Variants in PDE1A observed in about 807,000 individuals in gnomAD.
PDE1A encodes the protein dual specificity calcium/calmodulin-dependent 3',5'-cyclic nucleotide phosphodiesterase 1A.
In PDE1A, 35 loss-of-function variants were observed where a neutral mutation model predicts 61.7. The observed-to-expected ratio is 0.57, with a 90% CI of 0.43 to 0.75. PDE1A has a LOEUF of 0.75. Ranked by LOEUF, PDE1A falls within the 30% of genes least tolerant of loss-of-function variation. The pLI, the probability that PDE1A is intolerant of heterozygous loss-of-function variation, is 0.00. For missense variants in PDE1A, 597 were observed against 630.6 expected (o/e 0.95, Z 0.57); for synonymous variants, 232 against 213.2 (o/e 1.09, Z -0.77).
At chr2:182,422,958 A>C (rs1375595283) in intron 1 of PDE1A, among the ~76,000 whole-genome samples, 1 of 152,198 alleles carries the variant, frequency 6.6e-6, no homozygotes, top group African/African-American at 2.4e-5. Flanking sequence ...ATAAAACTCA[A>C]AGTATTTCTC....
At chr2:182,649,899 T>C in the PDE1A span, among the ~76,000 whole-genome samples, 1 of 152,082 alleles carries the variant, frequency 6.6e-6, no homozygotes, top group Non-Finnish European at 1.5e-5. Flanking sequence ...TGAGCCACTG[T>C]GCCCGGCCTA....
chr2:182,653,152 T>C, the PDE1A span, among the ~76,000 whole-genome samples: 2 of 152,184 alleles, frequency 1.3e-5, no homozygotes, highest in African/African-American at 4.8e-5. Flanking sequence ...GCAGGTTTAG[T>C]GGGCACTTAC....
chr2:182,284,739 C>T (rs1347503830), intron 1 of PDE1A, among the ~76,000 whole-genome samples: 2 of 152,036 alleles, frequency 1.3e-5, no homozygotes, highest in African/African-American at 2.4e-5. Context: ...TTTCTTTATG[C>T]AAGCCTTTTG....
At chr2:182,575,297 C>T in the PDE1A span, among the ~76,000 whole-genome samples, 3 of 152,120 alleles carry the variant, frequency 2.0e-5, no homozygotes, top group East Asian at 5.9e-4. Flanking sequence ...CTCTTCCTTA[C>T]CTCCATTGTG....
At chr2:182,709,293 A>G in the PDE1A span, among the ~76,000 whole-genome samples, 2 of 152,258 alleles carry the variant, frequency 1.3e-5, no homozygotes, top group South Asian at 2.1e-4. Flanking sequence ...ATATTTTTAC[A>G]TATCAATTGT....
intron 10 of PDE1A, among the ~76,000 whole-genome samples, chr2:182,193,584 T>C (rs1685890148): frequency 1.3e-5 from 2 of 152,088 alleles, no homozygotes; most frequent in Admixed American, 1.3e-4. Flanking sequence ...TTAAGGAATT[T>C]AGGCCCTCTA....
intron 1 of PDE1A, among the ~76,000 whole-genome samples, chr2:182,417,569 A>G (rs1195685680): frequency 6.6e-6 from 1 of 152,166 alleles, no homozygotes; most frequent in East Asian, 1.9e-4. Flanking sequence ...TTTAGAGGAG[A>G]CATTTATCCT....
intron 7 of PDE1A, among the ~76,000 whole-genome samples, chr2:182,215,023 C>T (rs1282290951): frequency 1.2e-5 from 1 of 82,978 alleles, no homozygotes; most frequent in Non-Finnish European, 2.4e-5. Context: ...AAGTAAAGCT[C>T]TCCTCAGCAA....
upstream of PDE1A, among the ~76,000 whole-genome samples, chr2:182,427,929 G>C (rs1703714808): frequency 6.6e-6 from 1 of 152,102 alleles, no homozygotes; most frequent in South Asian, 2.1e-4. Context: ...CATGCCTTTA[G>C]TTGAATGATC....
At chr2:182,459,688 A>G (rs1466188058) in intron 2 of PDE1A, among the ~76,000 whole-genome samples, 3 of 152,270 alleles carry the variant, frequency 2.0e-5, no homozygotes, top group Admixed American at 6.5e-5. Flanking sequence ...AGGAGAGGGA[A>G]TATCTGGCCA....
chr2:182,714,174 C>T, the PDE1A span, among the ~76,000 whole-genome samples: 1 of 152,192 alleles, frequency 6.6e-6, no homozygotes, highest in Non-Finnish European at 1.5e-5. Context: ...ATAGTAAGAA[C>T]AGCTGGAGCC....
chr2:182,307,102 A>G (rs141341628), intron 1 of PDE1A, among the ~76,000 whole-genome samples: 1 of 152,324 alleles, frequency 6.6e-6, no homozygotes, highest in African/African-American at 2.4e-5. Flanking sequence ...ACTCAATAGC[A>G]AGAAAACAAA....
intron 2 of PDE1A, among the ~76,000 whole-genome samples, chr2:182,483,353 C>A (rs1489940643): frequency 6.6e-6 from 1 of 151,876 alleles, no homozygotes; most frequent in Non-Finnish European, 1.5e-5. Context: ...GCACTCCACC[C>A]AACAAAGCGA....
chr2:182,708,220 C>T, the PDE1A span, among the ~76,000 whole-genome samples: 1 of 152,116 alleles, frequency 6.6e-6, no homozygotes, highest in Admixed American at 6.5e-5. Flanking sequence ...ACTAGCTTTG[C>T]AACCTGCCCC....
intron 10 of PDE1A, among the ~76,000 whole-genome samples, chr2:182,193,112 C>A (rs2195880): frequency 2.6e-5 from 4 of 151,750 alleles, no homozygotes; most frequent in Admixed American, 6.6e-5. Flanking sequence ...CTCAGCCTCC[C>A]GAGTAGATGG....
At chr2:182,149,765 C>A (rs954856173) in intron 13 of PDE1A, among the ~76,000 whole-genome samples, 1 of 152,110 alleles carries the variant, frequency 6.6e-6, no homozygotes, top group South Asian at 2.1e-4. Context: ...TCTTAGATGA[C>A]CTTTATGGCC....
chr2:182,385,251 A>G (rs946401043), intron 1 of PDE1A, among the ~76,000 whole-genome samples: 30 of 152,206 alleles, frequency 2.0e-4, no homozygotes, highest in Admixed American at 7.9e-4. Flanking sequence ...AGTCACACAG[A>G]CAAATTCATC....
intron 1 of PDE1A, among the ~76,000 whole-genome samples, chr2:182,292,392 C>A (rs1694597384): frequency 6.6e-6 from 1 of 151,864 alleles, no homozygotes. Flanking sequence ...CTAGTTTCTC[C>A]ATTTTTCATG....
chr2:182,563,856 A>G, the PDE1A span, among the ~76,000 whole-genome samples: 3 of 152,072 alleles, frequency 2.0e-5, no homozygotes, highest in African/African-American at 7.2e-5. Context: ...AAAGTGTTTT[A>G]TCAGAGACTA....
Sources: gnomAD v4.1 joint callset for allele counts (sites outside exome capture counted in the v4.1 genomes callset) on GRCh38, gnomAD v4.1.1 for gene constraint, MANE v1.5 for transcripts, NCBI Gene and HGNC (gene_info 2026-07-23, HGNC 2026-07-21) for gene names.